Variants in ADCY2 observed in about 807,000 individuals in gnomAD.
ADCY2 encodes adenylate cyclase 2, also known as adenylate cyclase type 2.
In ADCY2, 31 loss-of-function variants were observed where a neutral mutation model predicts 125.2. The observed-to-expected ratio is 0.25, with a 90% CI of 0.19 to 0.33. The LOEUF (loss-of-function observed/expected upper bound fraction) is 0.33, where lower values mean the gene tolerates loss of function less well. ADCY2 is among the 10% of genes least tolerant of loss of function. ADCY2 has a pLI of 1.00. For missense variants in ADCY2, 904 were observed against 1,418.2 expected, an observed-to-expected ratio of 0.64 and a Z score of 5.82; for synonymous variants, 512 against 548.4, an observed-to-expected ratio of 0.93 and a Z score of 0.93.
intron 1 of ADCY2, among the ~76,000 whole-genome samples, chr5:7,408,647 C>T (rs557211737): frequency 3.3e-5 from 5 of 151,994 alleles, no homozygotes; most frequent in South Asian, 2.1e-4. Flanking sequence ...GGATTACAGG[C>T]GTGAGCCACC....
At position 7,789,810 on chromosome 5, in the gene ADCY2, GGGGGGCTGGGGGCT is replaced by G; in HGVS notation, c.2628+16_2628+29del. The G allele has an allele frequency of 6.6e-7, 1 of 1,526,400 alleles. No individual in the cohort carries two copies. Among genetic ancestry groups the G allele is most frequent in the Non-Finnish European group, 8.8e-7 (1 of 1,140,914 alleles). The allele number at this position is 1,526,400 out of a possible 1,614,324, so 94.6% of individuals were successfully genotyped here. ...GAGCCTGAAGAATGAGGTCAGACCA[GGGGGGCTGGGGGCT>G]GGGGGAGGGGGCTGGATGCCATGAT... is the stretch of plus-strand genomic sequence containing the variant. On this transcript the variant is annotated intron_variant, in intron 20 of 24. Coordinates refer to ENST00000338316, the MANE Select transcript of ADCY2 (RefSeq NM_020546.3).
chr5:7,429,637 G>A (rs1258338288), intron 2 of ADCY2, among the ~76,000 whole-genome samples: 1 of 152,158 alleles, frequency 6.6e-6, no homozygotes, highest in African/African-American at 2.4e-5. Context: ...ATAATTGGAA[G>A]TTAACCAACA....
chr5:7,713,507 AT>A (rs201783659), intron 11 of ADCY2, among the ~76,000 whole-genome samples: 66 of 150,716 alleles, frequency 4.4e-4, no homozygotes, highest in African/African-American at 1.5e-3. Flanking sequence ...AAAAAAAAAA[AT>A]AAAAAGAAAA....
At chr5:7,696,464 A>T (rs1740897086) in intron 6 of ADCY2, among the ~76,000 whole-genome samples, 1 of 152,190 alleles carries the variant, frequency 6.6e-6, no homozygotes, top group Non-Finnish European at 1.5e-5. Flanking sequence ...CTGAAACCAC[A>T]CTAGACCCTA....
chr5:7,563,980 T>C (rs559549934), intron 3 of ADCY2, among the ~76,000 whole-genome samples: 1 of 152,236 alleles, frequency 6.6e-6, no homozygotes, highest in South Asian at 2.1e-4. Flanking sequence ...ATATGGAAAT[T>C]GCACATTTAG....
intron 4 of ADCY2, among the ~76,000 whole-genome samples, chr5:7,686,894 T>C (rs780412605): frequency 1.3e-5 from 2 of 152,288 alleles, no homozygotes; most frequent in Non-Finnish European, 2.9e-5. Context: ...GAGCTCAGGC[T>C]TTTTTTGGAA....
At chr5:7,783,346 G>A (rs1243267678) in intron 18 of ADCY2, among the ~76,000 whole-genome samples, 1 of 152,150 alleles carries the variant, frequency 6.6e-6, no homozygotes, top group Non-Finnish European at 1.5e-5. Context: ...AAAACAGCCT[G>A]CAGGGTAGGG....
At chr5:7,398,891 T>C (rs1251478981) in intron 1 of ADCY2, among the ~76,000 whole-genome samples, 1 of 152,244 alleles carries the variant, frequency 6.6e-6, no homozygotes, top group Non-Finnish European at 1.5e-5. Context: ...GCATCTCTGC[T>C]TTCCAAAACA....
chr5:7,515,100 C>T (rs996877402), intron 2 of ADCY2, among the ~76,000 whole-genome samples: 8 of 152,146 alleles, frequency 5.3e-5, no homozygotes, highest in Non-Finnish European at 1.0e-4. Flanking sequence ...TTAAATGGTC[C>T]CTTCCACTCT....
At chr5:7,717,852 T>G (rs746039707) in intron 12 of ADCY2, among the ~76,000 whole-genome samples, 2 of 152,176 alleles carry the variant, frequency 1.3e-5, no homozygotes, top group Non-Finnish European at 2.9e-5. Flanking sequence ...TGGGTACGTG[T>G]GTCATAACTG....
chr5:7,804,069 A>AGAGAGAGAGAGAGAGAGAGAGAGAGC (rs1553990875), intron 21 of ADCY2, among the ~76,000 whole-genome samples: 7 of 140,470 alleles, frequency 5.0e-5, no homozygotes, highest in South Asian at 2.2e-4. Flanking sequence ...AGAGAGAGAG[A>AGAGAGAGAGAGAGAGAGAGAGAGAGC]GAGAGCTGGT....
rs1230755073 is a variant in ADCY2 at position 7,829,746 on chromosome 5, A to G, written c.*2875A>G. 6.6e-6 allele frequency: 1 copy of G among 152,396 alleles called. No individual in the cohort carries two copies. Among genetic ancestry groups the G allele is most frequent in the Non-Finnish European group, 1.5e-5 (1 of 68,138 alleles). 9.4% of individuals were successfully genotyped at this position (152,396 alleles called of 1,614,324 possible). ...ACTCACTGTGCTCCTAAAGGCAGCAACCATTCATCTTTCCTTTGCTCTGGA... is the reference window on the plus strand; with the variant it reads ...ACTCACTGTGCTCCTAAAGGCAGCAGCCATTCATCTTTCCTTTGCTCTGGA... On this transcript the variant is annotated 3_prime_UTR_variant, in exon 25 of 25. Transcript: ENST00000338316.
rs942221351 is a variant in ADCY2 at position 7,799,039 on chromosome 5, T to G, written c.2629-3179T>G. 4 of 152,268 alleles carry G rather than the reference T, an allele frequency of 2.6e-5. No homozygotes were observed. The East Asian group carries it at 7.7e-4, about 29-fold the overall frequency. The allele number at this position is 152,268 out of a possible 1,614,324, so 9.4% of individuals were successfully genotyped here. A position where few individuals can be genotyped will look rare whatever the true frequency, so the allele number is the denominator to read the frequency against. On this transcript the variant is annotated intron_variant, in intron 20 of 24. Coordinates refer to ENST00000338316, the MANE Select transcript of ADCY2 (RefSeq NM_020546.3). ...TAGTGGCCACAGAAACGCAGTTGCT[T>G]TGTGATTATTTTTTCATGCCTTGAG...
intron 2 of ADCY2, among the ~76,000 whole-genome samples, chr5:7,491,097 A>C (rs752674128): frequency 6.6e-6 from 1 of 152,224 alleles, no homozygotes; most frequent in Admixed American, 6.5e-5. Flanking sequence ...AAATTAAATA[A>C]GGGGAATGCC....
chr5:7,710,382 G>C (rs1338410809), intron 10 of ADCY2, among the ~76,000 whole-genome samples: 3 of 152,198 alleles, frequency 2.0e-5, no homozygotes, highest in Non-Finnish European at 4.4e-5. Flanking sequence ...TAGCAAAGGA[G>C]GGACCATAGA....
chr5:7,771,346 GA>G (rs1203670109), intron 17 of ADCY2, among the ~76,000 whole-genome samples: 1 of 152,138 alleles, frequency 6.6e-6, no homozygotes, highest in Non-Finnish European at 1.5e-5. Context: ...GTGGAGACTT[GA>G]CATCGGGCAA....
intron 3 of ADCY2, among the ~76,000 whole-genome samples, chr5:7,566,761 A>C (rs554493942): frequency 2.8e-4 from 43 of 152,266 alleles, no homozygotes; most frequent in Non-Finnish European, 5.6e-4. Flanking sequence ...CAAACAAAGA[A>C]AAAACAGAAT....
intron 1 of ADCY2, among the ~76,000 whole-genome samples, chr5:7,406,617 CCTT>C (rs1162717609): frequency 6.6e-6 from 1 of 152,150 alleles, no homozygotes; most frequent in African/African-American, 2.4e-5. Flanking sequence ...CCCGGGAGGT[CCTT>C]CTTCTTTATT....
Position 7,616,655 on chromosome 5 carries a change from T to A in ADCY2, c.571-9512T>A, listed in dbSNP as rs181767991. 3.0e-3 allele frequency among the ~76,000 whole-genome samples: 460 copies of A among 152,346 alleles called. 1 individual carries two copies. The highest frequency in any genetic ancestry group is 5.7e-3 in the Admixed American group (87 of 15,308). ...GCAAGAGTTACCAGCCCCAAATGTCTAAGGCTTGCCCATTTTGACATTCCA... is the reference window on the plus strand; with the variant it reads ...GCAAGAGTTACCAGCCCCAAATGTCAAAGGCTTGCCCATTTTGACATTCCA... On this transcript the variant is annotated intron_variant, in intron 3 of 24. Coordinates refer to ENST00000338316, the MANE Select transcript of ADCY2 (RefSeq NM_020546.3).
Sources: gnomAD v4.1 joint callset for allele counts (sites outside exome capture counted in the v4.1 genomes callset) on GRCh38, gnomAD v4.1.1 for gene constraint, MANE v1.5 for transcripts, NCBI Gene and HGNC (gene_info 2026-07-23, HGNC 2026-07-21) for gene names.